EFNA5: variants seen among roughly 807,000 people sequenced by gnomAD.
EFNA5 encodes the protein ephrin A5, also known as ephrin-A5.
Under a neutral mutation model 22.9 loss-of-function variants are expected in EFNA5, and 5 were observed. That is an observed-to-expected ratio of 0.22 (90% CI 0.11 to 0.46). The LOEUF is 0.46. Ranked by LOEUF, EFNA5 falls within the 20% of genes least tolerant of loss-of-function variation. EFNA5 has a pLI of 0.99. For synonymous variants in EFNA5, 113 were observed against 112.2 expected (o/e 1.01, Z -0.04); for missense variants, 237 against 293.3 (o/e 0.81, Z 1.40).
chr5:107,443,103 C>A (rs970344501), intron 1 of EFNA5, among the ~76,000 whole-genome samples: 1 of 152,068 alleles, frequency 6.6e-6, no homozygotes, highest in South Asian at 2.1e-4. Context: ...ATTATGAAAC[C>A]ATTAGGGGCA....
intron 1 of EFNA5, among the ~76,000 whole-genome samples, chr5:107,592,226 T>C (rs1373129936): frequency 1.3e-5 from 2 of 148,794 alleles, no homozygotes; most frequent in Non-Finnish European, 1.5e-5. Flanking sequence ...AGTTACTTTT[T>C]GTACTATAAA....
chr5:107,605,655 T>C (rs1352519687), intron 1 of EFNA5, among the ~76,000 whole-genome samples: 7 of 151,794 alleles, frequency 4.6e-5, no homozygotes, highest in Admixed American at 6.6e-5. Flanking sequence ...TTTTTTGGGG[T>C]GCAAAAGTGG....
chr5:107,517,379 A>G (rs1747503295), intron 1 of EFNA5, among the ~76,000 whole-genome samples: 1 of 152,320 alleles, frequency 6.6e-6, no homozygotes, highest in African/African-American at 2.4e-5. Context: ...TCCGGGCCAG[A>G]CTGCCTAGGT....
rs989378071 is a variant in EFNA5 at position 107,381,361 on chromosome 5, T to C, written c.581A>G (p.Glu194Gly). 1.2e-6 allele frequency: 2 copies of C among 1,613,370 alleles called. No individual in the cohort carries two copies. The highest frequency in any genetic ancestry group is 1.3e-5 in the African/African-American group (1 of 74,914). ...SLEPADDTVHESAEPSRGENA... is the reference protein window; with the variant it reads ...SLEPADDTVHGSAEPSRGENA... Reference sequence around the variant, plus strand: ...CTCGCCGCGGGATGGCTCGGCTGACTCATGTACGGTGTCATCTGTTCAAAT... The same window carrying C: ...CTCGCCGCGGGATGGCTCGGCTGACCCATGTACGGTGTCATCTGTTCAAAT... Residue 194 changes from glutamate (E) to glycine (G), a missense_variant, in exon 5 of 5, where the codon GAG becomes GGG. Glu to Gly is a moderately conservative substitution (Grantham distance 98, BLOSUM62 -2). Transcript: ENST00000333274.
chr5:107,628,920 A>G (rs964156761), intron 1 of EFNA5, among the ~76,000 whole-genome samples: 4 of 152,152 alleles, frequency 2.6e-5, no homozygotes, highest in Admixed American at 6.5e-5. Flanking sequence ...ATCTCATATA[A>G]TCATTGTATT....
rs1172707306 is a variant in EFNA5, at chr5:107,670,629, G to A, written c.-16C>T. The A allele has an allele frequency of 6.3e-7, 1 of 1,598,540 alleles. No homozygotes were observed. The highest frequency in any genetic ancestry group is 8.5e-7 in the Non-Finnish European group (1 of 1,173,248). ...CGTGCAACATCACGCCTGGCCAGCG[G>A]CGGAGCCCCCGACGCGCCACTCCGG... On this transcript the variant is annotated 5_prime_UTR_variant, in exon 1 of 5. Transcript: ENST00000333274.
intron 1 of EFNA5, among the ~76,000 whole-genome samples, chr5:107,477,865 C>T (rs1192579101): frequency 6.6e-6 from 1 of 152,080 alleles, no homozygotes; most frequent in Non-Finnish European, 1.5e-5. Context: ...AAATCAAATA[C>T]ATACCTCCTC....
intron 1 of EFNA5, among the ~76,000 whole-genome samples, chr5:107,518,315 G>A (rs1039763472): frequency 5.9e-5 from 9 of 151,600 alleles, no homozygotes; most frequent in African/African-American, 1.7e-4. Flanking sequence ...TGCAGACATC[G>A]GTCCCTTGTT....
intron 1 of EFNA5, among the ~76,000 whole-genome samples, chr5:107,433,628 G>A (rs1343550987): frequency 6.6e-6 from 1 of 152,192 alleles, no homozygotes; most frequent in Non-Finnish European, 1.5e-5. Flanking sequence ...GAGCATGGTG[G>A]CTGATGCCTG....
chr5:107,474,189 C>T (rs1580476248), intron 1 of EFNA5, among the ~76,000 whole-genome samples: 1 of 152,126 alleles, frequency 6.6e-6, no homozygotes, highest in East Asian at 1.9e-4. Context: ...TGATCAGATG[C>T]CACTGGCTCC....
intron 1 of EFNA5, among the ~76,000 whole-genome samples, chr5:107,576,177 A>T (rs10042437): frequency 0.21 from 32,607 of 151,898 alleles, 4,815 homozygotes; most frequent in African/African-American, 0.42. Context: ...CTTTTCCTAC[A>T]GTGTTCTCAC....
At position 107,438,501 on chromosome 5, in the gene EFNA5, C is replaced by T. The variant is rs540511938; in HGVS notation, c.126-10992G>A. On this transcript the variant is annotated intron_variant, in intron 1 of 4. Coordinates refer to ENST00000333274, the MANE Select transcript of EFNA5 (RefSeq NM_001962.3). ...TCCAGAGACTCCTTTGGTTTTGGGG[C>T]TCCCTCCTGCTCAGGTCAGGCCTCA... 1.1e-3 allele frequency among the ~76,000 whole-genome samples: 174 copies of T among 152,304 alleles called. 1 individual carries two copies. The highest frequency in any genetic ancestry group is 3.3e-3 in the African/African-American group (138 of 41,588).
chr5:107,378,253 A>T lies in EFNA5; in HGVS notation c.*3002T>A, dbSNP rs954514445. The T allele has an allele frequency of 6.6e-6, 1 of 151,960 alleles. No individual in the cohort carries two copies. Among genetic ancestry groups the T allele is most frequent in the African/African-American group, 2.4e-5 (1 of 41,328 alleles). The allele number at this position is 151,960 out of a possible 1,614,324, so 9.4% of individuals were successfully genotyped here. On this transcript the variant is annotated 3_prime_UTR_variant, in exon 5 of 5. Transcript: ENST00000333274. ...TGCCACCCAAGAAAGTACAGTACAAAACAATAGTCTAAACTAACACGAACT... is the reference window on the plus strand; with the variant it reads ...TGCCACCCAAGAAAGTACAGTACAATACAATAGTCTAAACTAACACGAACT...
chr5:107,454,598 T>C (rs1749644422), intron 1 of EFNA5, among the ~76,000 whole-genome samples: 1 of 152,174 alleles, frequency 6.6e-6, no homozygotes. Context: ...TTAAACTTCC[T>C]GAAGTTATTA....
At chr5:107,591,973 T>A (rs1436655276) in intron 1 of EFNA5, among the ~76,000 whole-genome samples, 5 of 39,328 alleles carry the variant, frequency 1.3e-4, no homozygotes, top group African/African-American at 8.0e-4. Flanking sequence ...ATATAATATA[T>A]ATAATATATA....
At chr5:107,461,999 C>G (rs76518991) in intron 1 of EFNA5, among the ~76,000 whole-genome samples, 5 of 152,298 alleles carry the variant, frequency 3.3e-5, no homozygotes, top group Admixed American at 3.3e-4. Flanking sequence ...GTGCCCTGCA[C>G]AGAGCAACCT....
intron 1 of EFNA5, among the ~76,000 whole-genome samples, chr5:107,543,950 C>T (rs1000724047): frequency 1.3e-5 from 2 of 152,150 alleles, no homozygotes; most frequent in African/African-American, 4.8e-5. Context: ...AGCTCTGCCT[C>T]CCTAACTCCG....
chr5:107,416,129 A>G (rs1748498694), intron 2 of EFNA5, among the ~76,000 whole-genome samples: 1 of 152,204 alleles, frequency 6.6e-6, no homozygotes, highest in African/African-American at 2.4e-5. Flanking sequence ...GTCTGACCCC[A>G]CAAACCATTC....
chr5:107,531,259 TTTAA>T (rs888005069), intron 1 of EFNA5, among the ~76,000 whole-genome samples: 1 of 152,202 alleles, frequency 6.6e-6, no homozygotes, highest in Non-Finnish European at 1.5e-5. Context: ...ACTTAGCTAC[TTTAA>T]TTAACACCTA....
Sources: allele counts gnomAD v4.1 joint callset (sites outside exome capture counted in the v4.1 genomes callset), GRCh38; gene constraint gnomAD v4.1.1; transcripts MANE v1.5; gene names NCBI Gene and HGNC (gene_info 2026-07-23, HGNC 2026-07-21).